CERCAM: variants seen among roughly 807,000 people sequenced by gnomAD.
CERCAM encodes the protein inactive glycosyltransferase 25 family member 3.
In CERCAM, 59 loss-of-function variants were observed where a neutral mutation model predicts 66.0. The observed-to-expected ratio is 0.89, with a 90% CI of 0.73 to 1.11. CERCAM has a LOEUF of 1.11. Among genes scored for constraint, CERCAM ranks in the 50% most tolerant of loss-of-function variants. CERCAM has a pLI of 0.00. For missense variants in CERCAM, 840 were observed against 828.3 expected (o/e 1.01, Z -0.17); for synonymous variants, 318 against 343.6 (o/e 0.93, Z 0.83).
intron 1 of CERCAM, chr9:128,421,584 C>G: frequency 1.1e-6 from 1 of 933,512 alleles, no homozygotes; most frequent in Non-Finnish European, 1.3e-6. Flanking sequence ...CGCCCCCGTG[C>G]TGGGGCCAGC....
intron 1 of CERCAM, chr9:128,421,544 T>C: frequency 2.0e-6 from 2 of 986,082 alleles, no homozygotes; most frequent in Non-Finnish European, 2.4e-6. Flanking sequence ...GGCTCCGGGC[T>C]GTGCAGGGGA....
At chr9:128,426,512 C>T (rs1833850852) in intron 5 of CERCAM, among the ~76,000 whole-genome samples, 1 of 150,198 alleles carries the variant, frequency 6.7e-6, no homozygotes, top group African/African-American at 2.5e-5. Context: ...CCCAGCTACT[C>T]GGGAGGCTGA....
intron 5 of CERCAM, 24 bp from the exon 6 acceptor site, chr9:128,428,278 C>G (rs779938998): frequency 2.5e-6 from 4 of 1,611,978 alleles, no homozygotes; most frequent in Non-Finnish European, 3.4e-6. Flanking sequence ...TCCACTGCAG[C>G]TCTCACTCAG....
chr9:128,420,734 G>T, upstream of CERCAM: 1 of 276,164 alleles, frequency 3.6e-6, no homozygotes, highest in Non-Finnish European at 6.6e-6. This position sits in a 1 kb window ranked among gnomAD's most constrained non-coding sequence, Gnocchi z 5.0. Flanking sequence ...ACGCACAGGG[G>T]TGGGGAGCAG....
At chr9:128,424,100 C>T (rs775406573) in intron 3 of CERCAM, 38 bp from the exon 4 acceptor site, 2 of 1,602,164 alleles carry the variant, frequency 1.2e-6, no homozygotes, top group Non-Finnish European at 8.5e-7. Flanking sequence ...GGCTGCAGCC[C>T]AGGCAGGGCT....
In CERCAM at chr9:128,428,441, T is replaced by G. The variant is rs777943745; in HGVS notation, c.886+20T>G. ...CACTAGGTGAGGGCTGGGGAACTGT[T>G]CCACCCACCTGCTGCCGGGGCTCCC... is the stretch of plus-strand genomic sequence containing the variant. On this transcript the variant is annotated intron_variant, in intron 6 of 12. Transcript: ENST00000372838. The G allele has an allele frequency of 4.3e-6, 7 of 1,613,188 alleles. No homozygotes were observed.
In CERCAM at chr9:128,422,975, C is replaced by T; in HGVS notation, c.305C>T (p.Pro102Leu). ...AAVVWRPEGE[P>L]RFYPDEEGPK... ...GTGGTCTGGAGGCCTGAGGGCGAGC[C>T]CAGGTGGTGATCTGAGGGGAAGGGT... The change falls in exon 2 of 13, where the codon CCC becomes CTC. Residue 102 changes from proline (P) to leucine (L), a missense_variant. Transcript: ENST00000372838. 2 of 1,613,622 alleles carry T rather than the reference C, an allele frequency of 1.2e-6. No homozygotes were observed. The highest frequency in any genetic ancestry group is 1.7e-6 in the Non-Finnish European group (2 of 1,179,976).
chr9:128,436,148 C>T (rs909561382), intron 12 of CERCAM, among the ~76,000 whole-genome samples: 8 of 151,910 alleles, frequency 5.3e-5, no homozygotes, highest in Non-Finnish European at 1.0e-4. Flanking sequence ...CTCTGCCTCT[C>T]GGGCTCAAGA....
chr9:128,424,394 C>T lies in CERCAM; in HGVS notation c.562-16C>T, dbSNP rs1234678089. 6.2e-7 allele frequency: 1 copy of T among 1,613,744 alleles called. No individual in the cohort carries two copies. The highest frequency in any genetic ancestry group is 8.5e-7 in the Non-Finnish European group (1 of 1,179,946). ...AGGGGAGCCCTCTCACAGCCCAAAGCATCCCTTTTCCCCAGGGCTACTACC... is the reference window on the plus strand; with the variant it reads ...AGGGGAGCCCTCTCACAGCCCAAAGTATCCCTTTTCCCCAGGGCTACTACC... On this transcript the variant is annotated splice_polypyrimidine_tract_variant and intron_variant, in intron 4 of 12. Coordinates refer to ENST00000372838, the MANE Select transcript of CERCAM (RefSeq NM_016174.5).
Position 128,420,888 on chromosome 9 carries a change from CCCGCG to C in CERCAM, c.21_25del (p.Pro8AlafsTer81), listed in dbSNP as rs964560869. The C allele has an allele frequency of 2.3e-6, 3 of 1,304,440 alleles. No individual in the cohort carries two copies. Among genetic ancestry groups the C allele is most frequent in the South Asian group, 2.3e-5 (1 of 44,308 alleles). The allele number at this position is 1,304,440 out of a possible 1,614,324, so 80.8% of individuals were successfully genotyped here. A position where few individuals can be genotyped will look rare whatever the true frequency, so the allele number is the denominator to read the frequency against. On this transcript the variant is annotated frameshift_variant, in exon 1 of 13. Transcript: ENST00000372838. LOFTEE classifies it high-confidence loss of function. This position sits in a 1 kb window ranked among gnomAD's most constrained non-coding sequence, Gnocchi z 5.0. ...GCCCAAGCGCCCGCCATGCGCGCTG[CCCGCG>C]CCGCGCCGCTGCTCCAGCTGCTGCT...
Position 128,422,890 on chromosome 9 carries a change from G to A in CERCAM, c.220G>A (p.Asp74Asn). Residue 74 changes from aspartate (D) to asparagine (N), a missense_variant, in exon 2 of 13, where the codon GAC (aspartate) becomes AAC (asparagine). By Grantham distance (23) the Asp-to-Asn change is conservative (BLOSUM62 1). Transcript: ENST00000372838. ...ALWCATDHNV[D>N]NTTEMLQEWL... ...CAGGTGTGCCACGGACCACAATGTG[G>A]ACAACACCACAGAGATGCTGCAGGA... 1.2e-6 allele frequency: 2 copies of A among 1,614,140 alleles called. No homozygotes were observed. The highest frequency in any genetic ancestry group is 1.7e-6 in the Non-Finnish European group (2 of 1,180,016).
rs1564431935 is a variant in CERCAM, at chr9:128,434,457, A to AG, written c.1383dup (p.Leu462AlafsTer87). 1 of 1,613,962 alleles carries AG rather than the reference A, an allele frequency of 6.2e-7. No homozygotes were observed. The stretch of plus-strand genomic sequence containing the variant: ...AACCCTGAGAAGGAGACGGCCGTGG[A>AG]GGGGCTGCCGGGCCTGGTGGTGGCT... On this transcript the variant is annotated frameshift_variant, in exon 11 of 13. Transcript: ENST00000372838. LOFTEE classifies it high-confidence loss of function. The surrounding 1 kb of genome is among the most constrained non-coding windows in gnomAD (Gnocchi z 4.5).
At chr9:128,422,572 A>G in intron 1 of CERCAM, 1 of 316,374 alleles carries the variant, frequency 3.2e-6, no homozygotes, top group Non-Finnish European at 5.9e-6. Context: ...CATCTCAAAA[A>G]AAATGCATTA....
chr9:128,435,832 T>C lies in CERCAM; in HGVS notation c.1715T>C (p.Leu572Pro). The change falls in exon 12 of 13, where the codon CTG (leucine) becomes CCG (proline). Residue 572 changes from leucine (L) to proline (P), a missense_variant. Leu to Pro is a moderately conservative substitution (Grantham distance 98, BLOSUM62 -3). Coordinates refer to ENST00000372838, the MANE Select transcript of CERCAM (RefSeq NM_016174.5). ...LISWSGSQKT[L>P]RSPRLDLTGS... ...AGCTGGAGCGGCTCCCAAAAGACCC[T>C]GCGCAGCCCCCGCCTGGACCTGACT... 6.2e-7 allele frequency: 1 copy of C among 1,610,244 alleles called. No homozygotes were observed. Among genetic ancestry groups the C allele is most frequent in the Non-Finnish European group, 8.5e-7 (1 of 1,178,964 alleles).
Position 128,424,445 on chromosome 9 carries a change from C to T in CERCAM, c.597C>T (p.Thr199=). The part of the protein sequence containing the change: ...YYRRTAEYFP[T]KNRQRRGCFR... ...GCCGCACAGCCGAGTACTTCCCCAC[C>T]AAGAACCGCCAGCGCCGGGGCTGCT... The change falls in exon 5 of 13, where the codon ACC becomes ACT. Residue 199 remains threonine (T), a synonymous_variant. Coordinates refer to ENST00000372838, the MANE Select transcript of CERCAM (RefSeq NM_016174.5). 6.2e-7 allele frequency: 1 copy of T among 1,614,144 alleles called. No individual in the cohort carries two copies. The highest frequency in any genetic ancestry group is 8.5e-7 in the Non-Finnish European group (1 of 1,180,052).
chr9:128,421,564 G>GC (rs1564424070), intron 1 of CERCAM: 17 of 972,174 alleles, frequency 1.7e-5, no homozygotes, highest in South Asian at 1.4e-4. Context: ...AGTCAGACCG[G>GC]CCCCCCCACC....
At chr9:128,431,639 G>C (rs1833979301) in intron 9 of CERCAM, 1 of 226,756 alleles carries the variant, frequency 4.4e-6, no homozygotes, top group Non-Finnish European at 8.7e-6. Context: ...TCAAAACCAA[G>C]CTTGCAGTGG....
intron 4 of CERCAM, 64 bp downstream of exon 4, chr9:128,424,336 G>C: frequency 6.2e-7 from 1 of 1,612,070 alleles, no homozygotes; most frequent in Non-Finnish European, 8.5e-7. Flanking sequence ...GGAGAGCAGA[G>C]AGCCTGAGGC....
chr9:128,436,154 CAA>C (rs951367566), intron 12 of CERCAM, among the ~76,000 whole-genome samples: 19 of 152,154 alleles, frequency 1.2e-4, no homozygotes, highest in African/African-American at 4.1e-4. Context: ...CTCTCGGGCT[CAA>C]GAGATTCTCC....
Sources: allele counts gnomAD v4.1 joint callset (sites outside exome capture counted in the v4.1 genomes callset), GRCh38; gene constraint gnomAD v4.1.1; non-coding constraint Gnocchi (gnomAD v3.1); transcripts MANE v1.5; gene names NCBI Gene and HGNC (gene_info 2026-07-23, HGNC 2026-07-21).